Variants in ZNF138 observed in about 807,000 individuals in gnomAD.
The protein encoded by ZNF138 is zinc finger protein 138 (clone pHZ-32).
ZNF138 carries 33 observed loss-of-function variants against 33.0 expected under a neutral mutation model. The ratio of observed to expected loss-of-function variants is 1.00; its 90% CI spans 0.76 to 1.34. The LOEUF is 1.34. Among genes scored for constraint, ZNF138 ranks in the 40% most tolerant of loss-of-function variants. The probability of loss-of-function intolerance (pLI) is 0.00; values close to 1 mark genes in which losing one functional copy is unlikely to be tolerated. For synonymous variants in ZNF138, 139 were observed against 120.4 expected (o/e 1.15, Z -1.01); for missense variants, 360 against 370.8 (o/e 0.97, Z 0.24).
chr7:64,813,509 C>G (rs901613117), intron 1 of ZNF138, among the ~76,000 whole-genome samples: 48 of 151,256 alleles, frequency 3.2e-4, no homozygotes, highest in African/African-American at 1.1e-3. Context: ...TCTCCGCTCA[C>G]TGCAAGCTCT....
At chr7:64,806,428 G>A (rs1787602247) in intron 1 of ZNF138, among the ~76,000 whole-genome samples, 1 of 152,186 alleles carries the variant, frequency 6.6e-6, no homozygotes, top group Non-Finnish European at 1.5e-5. Flanking sequence ...TGTGCACTGA[G>A]TAGACATGCA....
the ZNF138 span, among the ~76,000 whole-genome samples, chr7:64,854,147 A>C: frequency 6.6e-6 from 1 of 152,228 alleles, no homozygotes; most frequent in African/African-American, 2.4e-5. Flanking sequence ...AAAATGGTAC[A>C]CAAGGAATAA....
In ZNF138 at chr7:64,825,188, T is replaced by C. The variant is rs1789481698; in HGVS notation, c.209-6263T>C. ...TTTTTTTTTTTTTTTTTTTTTTTTT[T>C]TTGAGACGGAGTCTCGCACTGTCGC... On this transcript the variant is annotated intron_variant, in intron 3 of 3. Coordinates refer to ENST00000307355, the MANE Select transcript of ZNF138 (RefSeq NM_001271639.2). 4.6e-5 allele frequency among the ~76,000 whole-genome samples: 3 copies of C among 65,700 alleles called. No individual in the cohort carries two copies. In the South Asian group the frequency reaches 1.6e-3, roughly 34 times the overall value. The allele number at this position is 65,700 out of a possible 152,430, so 43.1% of individuals were successfully genotyped here.
chr7:64,828,404 G>A (rs1022441259), intron 3 of ZNF138, among the ~76,000 whole-genome samples: 2 of 152,040 alleles, frequency 1.3e-5, no homozygotes, highest in Admixed American at 6.5e-5. Context: ...TTCTAAGAGT[G>A]TAACTGCTTT....
the ZNF138 span, among the ~76,000 whole-genome samples, chr7:64,843,831 A>AT: frequency 0.11 from 17,100 of 150,426 alleles, 1,165 homozygotes; most frequent in East Asian, 0.26. Flanking sequence ...TATTTTTTTT[A>AT]TTTTTTTGTT....
the ZNF138 span, among the ~76,000 whole-genome samples, chr7:64,839,203 C>G: frequency 6.6e-6 from 1 of 152,192 alleles, no homozygotes; most frequent in African/African-American, 2.4e-5. Flanking sequence ...GATTGGTTGT[C>G]TAAGGTATAT....
At chr7:64,827,879 T>A (rs1322640511) in intron 3 of ZNF138, among the ~76,000 whole-genome samples, 1 of 152,222 alleles carries the variant, frequency 6.6e-6, no homozygotes, top group Non-Finnish European at 1.5e-5. Flanking sequence ...TTTTGATGTT[T>A]ATATTGTGTA....
chr7:64,847,333 T>TATATATATA, the ZNF138 span, among the ~76,000 whole-genome samples: 641 of 90,876 alleles, frequency 7.1e-3, 4 homozygotes, highest in East Asian at 0.014. Flanking sequence ...TATATATATA[T>TATATATATA]TTTTTTTTTT....
the ZNF138 span, among the ~76,000 whole-genome samples, chr7:64,841,021 T>C: frequency 6.6e-6 from 1 of 152,256 alleles, no homozygotes; most frequent in East Asian, 1.9e-4. Context: ...AATTTATTAC[T>C]GTAAAATCTT....
intron 1 of ZNF138, among the ~76,000 whole-genome samples, chr7:64,810,649 T>C (rs1403939791): frequency 6.6e-6 from 1 of 152,124 alleles, no homozygotes; most frequent in Non-Finnish European, 1.5e-5. Flanking sequence ...AATTTTCTTT[T>C]GGGTAAGCTT....
downstream of ZNF138, among the ~76,000 whole-genome samples, chr7:64,838,463 A>T (rs1790427015): frequency 6.6e-6 from 1 of 152,040 alleles, no homozygotes; most frequent in Admixed American, 6.5e-5. Context: ...GGGGCCTGGG[A>T]GATCGTACCT....
intron 1 of ZNF138, among the ~76,000 whole-genome samples, chr7:64,807,970 C>T (rs1268206814): frequency 6.6e-6 from 1 of 152,170 alleles, no homozygotes; most frequent in Non-Finnish European, 1.5e-5. Flanking sequence ...CAAGAGCTAG[C>T]CAATCAAGAC....
In ZNF138 at chr7:64,832,420, G is replaced by C. The variant is rs1790171893; in HGVS notation, c.*218G>C. 2.7e-6 allele frequency: 4 copies of C among 1,485,524 alleles called. No homozygotes were observed. The highest frequency in any genetic ancestry group is 3.6e-6 in the Non-Finnish European group (4 of 1,118,286). 92.0% of individuals were successfully genotyped at this position (1,485,524 alleles called of 1,614,324 possible). ...CATACTGGAGAAAAACCCTACAAAT[G>C]TAAAGAATGTGGAAAAGCTTTTCAC... On this transcript the variant is annotated 3_prime_UTR_variant, in exon 4 of 4. Transcript: ENST00000307355.
In ZNF138 at chr7:64,794,562, C is replaced by T. The variant is rs1401446002; in HGVS notation, c.-7C>T. On this transcript the variant is annotated 5_prime_UTR_variant, in exon 1 of 4. Transcript: ENST00000307355. ...CTAAGACGCCAGGATCCCCCGGAAG[C>T]CTAGAAATGGTGAGAGTGCTGGGTC... The T allele has an allele frequency of 3.7e-6, 6 of 1,613,490 alleles. No individual in the cohort carries two copies. Among genetic ancestry groups the T allele is most frequent in the African/African-American group, 2.7e-5 (2 of 74,912 alleles).
chr7:64,846,320 G>C, the ZNF138 span, among the ~76,000 whole-genome samples: 28 of 152,188 alleles, frequency 1.8e-4, no homozygotes, highest in South Asian at 5.2e-3. Flanking sequence ...TATTTTGATG[G>C]GAATTGTGTT....
chr7:64,820,751 A>G (rs539737643), intron 3 of ZNF138, among the ~76,000 whole-genome samples: 2 of 151,528 alleles, frequency 1.3e-5, no homozygotes, highest in South Asian at 4.2e-4. Context: ...TTTAGTAGAG[A>G]CAAGGTTTCA....
chr7:64,807,705 G>A (rs1172274223), intron 1 of ZNF138, among the ~76,000 whole-genome samples: 1 of 152,238 alleles, frequency 6.6e-6, no homozygotes, highest in Non-Finnish European at 1.5e-5. Flanking sequence ...TGCGTTGTGA[G>A]ATGTCAACAT....
At chr7:64,803,422 GACAGAAA>G (rs1305179957) in intron 1 of ZNF138, among the ~76,000 whole-genome samples, 1 of 152,114 alleles carries the variant, frequency 6.6e-6, no homozygotes, top group African/African-American at 2.4e-5. Context: ...AAGCTCCTTT[GACAGAAA>G]ACAGATTATC....
downstream of ZNF138, among the ~76,000 whole-genome samples, chr7:64,837,513 A>G (rs528006184): frequency 8.3e-4 from 126 of 152,160 alleles, 1 homozygote; most frequent in African/African-American, 2.9e-3. Flanking sequence ...CCTGTATAGG[A>G]GTTCAAAGGG....
Sources: gnomAD v4.1 joint callset for allele counts (sites outside exome capture counted in the v4.1 genomes callset) on GRCh38, gnomAD v4.1.1 for gene constraint, MANE v1.5 for transcripts, NCBI Gene and HGNC (gene_info 2026-07-23, HGNC 2026-07-21) for gene names.